DENND5A: variants seen among roughly 807,000 people sequenced by gnomAD.
DENND5A encodes DENN domain-containing protein 5A.
In DENND5A, 64 loss-of-function variants were observed where a neutral mutation model predicts 140.3. The ratio of observed to expected loss-of-function variants is 0.46; its 90% CI spans 0.37 to 0.56. The LOEUF (loss-of-function observed/expected upper bound fraction) is 0.56. Among genes scored for constraint, DENND5A ranks in the 20% least tolerant of loss-of-function variants. The pLI, the probability that DENND5A is intolerant of heterozygous loss-of-function variation, is 0.00. For missense variants in DENND5A, 1,292 were observed against 1,593.8 expected, an observed-to-expected ratio of 0.81 and a Z score of 3.22; for synonymous variants, 605 against 607.7, an observed-to-expected ratio of 1.00 and a Z score of 0.07.
intron 15 of DENND5A, among the ~76,000 whole-genome samples, chr11:9,148,627 C>T (rs1847508535): frequency 6.6e-6 from 1 of 152,094 alleles, no homozygotes; most frequent in Admixed American, 6.6e-5. Flanking sequence ...AAAACTGACT[C>T]CAAATTTTCA....
At chr11:9,166,940 A>G (rs1311575219) in intron 10 of DENND5A, among the ~76,000 whole-genome samples, 4 of 152,194 alleles carry the variant, frequency 2.6e-5, no homozygotes, top group Non-Finnish European at 5.9e-5. Context: ...AACACTGAGA[A>G]AATAATTTCC....
intron 6 of DENND5A, 22 bp from the exon 7 acceptor site, chr11:9,179,095 T>A (rs771190423): frequency 6.2e-7 from 1 of 1,604,066 alleles, no homozygotes; most frequent in South Asian, 1.1e-5. Context: ...GAAAAAGCAG[T>A]TGAGAACACA....
intron 5 of DENND5A, among the ~76,000 whole-genome samples, chr11:9,192,451 A>G (rs1564907065): frequency 6.6e-6 from 1 of 152,110 alleles, no homozygotes. Context: ...ACATAGTGAA[A>G]CCCCGTCTCT....
chr11:9,254,137 C>T (rs1401697018), intron 1 of DENND5A, among the ~76,000 whole-genome samples: 2 of 121,542 alleles, frequency 1.6e-5, no homozygotes, highest in African/African-American at 3.2e-5. Flanking sequence ...GCCTGGGCAA[C>T]AAGAGCGAAA....
At chr11:9,251,138 C>CAA (rs887593530) in intron 1 of DENND5A, among the ~76,000 whole-genome samples, 15 of 90,024 alleles carry the variant, frequency 1.7e-4, no homozygotes, top group African/African-American at 5.7e-4. Flanking sequence ...CCATCTCAAA[C>CAA]AAAAAAAAAA....
chr11:9,165,802 A>C lies in DENND5A; in HGVS notation c.2283+34T>G, dbSNP rs754258824. On this transcript the variant is annotated intron_variant, in intron 11 of 22. Coordinates refer to ENST00000328194, the MANE Select transcript of DENND5A (RefSeq NM_015213.4). ...TTGGTCTTACCTTGGCTGCTAACAG[A>C]AATAGCACACATACAGAGATGTCCA... 7 of 1,611,818 alleles carry C rather than the reference A, an allele frequency of 4.3e-6. No homozygotes were observed. The East Asian group carries it at 1.6e-4, about 36-fold the overall frequency.
At chr11:9,144,011 C>T in intron 19 of DENND5A, 86 bp downstream of exon 19, 2 of 1,468,616 alleles carry the variant, frequency 1.4e-6, no homozygotes, top group Non-Finnish European at 1.8e-6. Context: ...CAGGCTGGGA[C>T]CCAGGTTCCC....
chr11:9,185,733 T>A (rs766067322), intron 5 of DENND5A, among the ~76,000 whole-genome samples: 1 of 152,138 alleles, frequency 6.6e-6, no homozygotes, highest in Non-Finnish European at 1.5e-5. Flanking sequence ...CGTGTCTGTG[T>A]CTACGTGTGT....
At chr11:9,231,283 T>C (rs991611775) in intron 1 of DENND5A, among the ~76,000 whole-genome samples, 3 of 152,324 alleles carry the variant, frequency 2.0e-5, no homozygotes, top group Middle Eastern at 3.4e-3. Context: ...ACAGAATGTA[T>C]ACCACGGCAG....
At chr11:9,152,230 T>A (rs1177037862) in intron 13 of DENND5A, 128 bp downstream of exon 13, 87 of 754,266 alleles carry the variant, frequency 1.2e-4, no homozygotes, top group Non-Finnish European at 7.1e-6. Context: ...TGGCTCCATA[T>A]TTAAAAGAGA....
At chr11:9,202,979 C>T (rs1485661832) in intron 4 of DENND5A, among the ~76,000 whole-genome samples, 1 of 152,070 alleles carries the variant, frequency 6.6e-6, no homozygotes, top group Non-Finnish European at 1.5e-5. Context: ...ATTTAATCAC[C>T]TCTCTTCTCC....
At chr11:9,190,526 C>T (rs1429572784) in intron 5 of DENND5A, among the ~76,000 whole-genome samples, 3 of 152,114 alleles carry the variant, frequency 2.0e-5, no homozygotes, top group South Asian at 2.1e-4. Context: ...CCATGTAAGA[C>T]GTGACTTGCT....
intron 1 of DENND5A, among the ~76,000 whole-genome samples, chr11:9,246,179 A>G (rs914573795): frequency 1.3e-5 from 2 of 152,180 alleles, no homozygotes; most frequent in African/African-American, 4.8e-5. Context: ...AGCCTAAAAC[A>G]ATAGCCAAAG....
rs147704439 is a variant in DENND5A at position 9,191,975 on chromosome 11, C to A, written c.1137+1519G>T. Among the ~76,000 whole-genome samples, 345 of 152,272 alleles carry A rather than the reference C, an allele frequency of 2.3e-3. 1 individual carries two copies. The highest frequency in any genetic ancestry group is 7.9e-3 in the African/African-American group (329 of 41,564). On this transcript the variant is annotated intron_variant, in intron 5 of 22. Coordinates refer to ENST00000328194, the MANE Select transcript of DENND5A (RefSeq NM_015213.4). ...GTACAGTAAGCAAGTACACAAAAAA[C>A]CCCAATATTATCTCAACTCAATGAT...
chr11:9,173,329 G>A (rs138973670), intron 8 of DENND5A, among the ~76,000 whole-genome samples: 1 of 152,238 alleles, frequency 6.6e-6, no homozygotes, highest in East Asian at 1.9e-4. Context: ...AGAAAGAAGA[G>A]CACCAGAAAT....
chr11:9,223,739 G>A (rs1008358516), intron 1 of DENND5A, among the ~76,000 whole-genome samples: 1 of 152,136 alleles, frequency 6.6e-6, no homozygotes. Flanking sequence ...ACATCTGACA[G>A]TGGTACCTGG....
chr11:9,146,749 C>T (rs1847443957), intron 16 of DENND5A: 1 of 290,144 alleles, frequency 3.4e-6, no homozygotes, highest in Non-Finnish European at 6.4e-6. Flanking sequence ...GACTCCACTC[C>T]ACCTTCATCA....
At chr11:9,160,649 G>A in intron 12 of DENND5A, 64 bp downstream of exon 12, 2 of 1,491,702 alleles carry the variant, frequency 1.3e-6, no homozygotes, top group Admixed American at 3.5e-5. Flanking sequence ...AAGAGTGTGG[G>A]AAAGCTAGTA....
At chr11:9,236,952 C>A (rs1851028745) in intron 1 of DENND5A, among the ~76,000 whole-genome samples, 2 of 151,858 alleles carry the variant, frequency 1.3e-5, no homozygotes, top group South Asian at 4.1e-4. Context: ...AGAACACATA[C>A]AACAAAATAT....
Sources: allele counts gnomAD v4.1 joint callset (sites outside exome capture counted in the v4.1 genomes callset), GRCh38; gene constraint gnomAD v4.1.1; transcripts MANE v1.5; gene names NCBI Gene and HGNC (gene_info 2026-07-23, HGNC 2026-07-21).